Variants in KCNG3 observed in about 807,000 individuals in gnomAD.
KCNG3 encodes potassium voltage-gated channel modifier subfamily G member 3.
In KCNG3, 15 loss-of-function variants were observed where a neutral mutation model predicts 29.0. The ratio of observed to expected loss-of-function variants is 0.52; its 90% CI spans 0.35 to 0.80. The LOEUF (loss-of-function observed/expected upper bound fraction) is 0.80, where lower values mean the gene tolerates loss of function less well. Among genes scored for constraint, KCNG3 ranks in the 30% least tolerant of loss-of-function variants. The pLI, the probability that KCNG3 is intolerant of heterozygous loss-of-function variation, is 0.01. For missense variants in KCNG3, 512 were observed against 605.7 expected (o/e 0.85, Z 1.62); for synonymous variants, 322 against 248.9 (o/e 1.29, Z -2.76).
chr2:42,429,700 G>A, the KCNG3 span, among the ~76,000 whole-genome samples: 1 of 152,128 alleles, frequency 6.6e-6, no homozygotes, highest in Non-Finnish European at 1.5e-5. Context: ...TTCCCCCAGG[G>A]CAGGGAGCCT....
the KCNG3 span, among the ~76,000 whole-genome samples, chr2:42,406,874 G>A: frequency 2.0e-5 from 3 of 150,016 alleles, no homozygotes; most frequent in Non-Finnish European, 4.4e-5. Context: ...CAAATATAGT[G>A]TGATTTCTGG....
chr2:42,408,516 G>C, the KCNG3 span, among the ~76,000 whole-genome samples: 2 of 152,072 alleles, frequency 1.3e-5, no homozygotes. Context: ...CAGAGATTTT[G>C]GGACAACCTA....
rs1672554471 is a variant in KCNG3 at position 42,444,581 on chromosome 2, T to C, written c.666-2A>G. On this transcript the variant is annotated splice_acceptor_variant, in intron 1 of 1. Coordinates refer to ENST00000306078, the MANE Select transcript of KCNG3 (RefSeq NM_133329.6). LOFTEE classifies it high-confidence loss of function. The surrounding 1 kb of genome is among the most constrained non-coding windows in gnomAD (Gnocchi z 5.8). ...CCTATGCAGATAGCTTCAATTATCC[T>C]GTCAAGAGAACAAAAGAAGAATTGA... 1 of 1,589,360 alleles carries C rather than the reference T, an allele frequency of 6.3e-7. No homozygotes were observed. The highest frequency in any genetic ancestry group is 1.4e-5 in the African/African-American group (1 of 73,668).
intron 1 of KCNG3, among the ~76,000 whole-genome samples, chr2:42,448,076 G>C (rs1672647561): frequency 6.6e-6 from 1 of 152,192 alleles, no homozygotes. Flanking sequence ...GCCACTCTGA[G>C]AGATGAAAAG....
At chr2:42,489,943 C>G (rs1180989653) in intron 1 of KCNG3, among the ~76,000 whole-genome samples, 1 of 152,220 alleles carries the variant, frequency 6.6e-6, no homozygotes, top group African/African-American at 2.4e-5. Context: ...GGGAAGATCT[C>G]CAACTCATCT....
chr2:42,435,855 T>A, the KCNG3 span, among the ~76,000 whole-genome samples: 1 of 152,206 alleles, frequency 6.6e-6, no homozygotes, highest in African/African-American at 2.4e-5. Flanking sequence ...AAGTTAAACA[T>A]TAGCATCTAA....
At chr2:42,458,552 T>A (rs569358828) in intron 1 of KCNG3, among the ~76,000 whole-genome samples, 5 of 152,318 alleles carry the variant, frequency 3.3e-5, no homozygotes, top group African/African-American at 9.6e-5. Flanking sequence ...CCATCACATA[T>A]AAATCTCCAT....
chr2:42,400,030 G>T, the KCNG3 span, among the ~76,000 whole-genome samples: 4 of 152,168 alleles, frequency 2.6e-5, no homozygotes, highest in African/African-American at 7.2e-5. Flanking sequence ...GATCGCTTGA[G>T]CCTGGAAGGT....
chr2:42,421,161 T>C, the KCNG3 span, among the ~76,000 whole-genome samples: 1 of 152,212 alleles, frequency 6.6e-6, no homozygotes, highest in Admixed American at 6.5e-5. Context: ...AAAGGAAATA[T>C]GCCAAAATGT....
At chr2:42,425,644 C>G in the KCNG3 span, among the ~76,000 whole-genome samples, 2 of 152,082 alleles carry the variant, frequency 1.3e-5, no homozygotes, top group African/African-American at 2.4e-5. Flanking sequence ...TCAACATGTA[C>G]TACGTGCCTA....
chr2:42,464,463 AT>A (rs1351108338), intron 1 of KCNG3, among the ~76,000 whole-genome samples: 1 of 152,236 alleles, frequency 6.6e-6, no homozygotes, highest in Non-Finnish European at 1.5e-5. Context: ...GTCTATAGTC[AT>A]GAATACAAAA....
At chr2:42,483,240 G>A (rs1673636029) in intron 1 of KCNG3, among the ~76,000 whole-genome samples, 2 of 152,242 alleles carry the variant, frequency 1.3e-5, no homozygotes, top group Admixed American at 1.3e-4. Flanking sequence ...ATTACTAACT[G>A]CATATGATGA....
chr2:42,474,136 C>T (rs1212552824), intron 1 of KCNG3, among the ~76,000 whole-genome samples: 1 of 150,054 alleles, frequency 6.7e-6, no homozygotes, highest in Admixed American at 6.7e-5. Flanking sequence ...TATCTTCTGA[C>T]TCTTGGTGAT....
At chr2:42,403,401 C>T in the KCNG3 span, among the ~76,000 whole-genome samples, 1 of 152,042 alleles carries the variant, frequency 6.6e-6, no homozygotes, top group Non-Finnish European at 1.5e-5. Flanking sequence ...CCTTGGCCTC[C>T]CAAAGTTCTA....
At chr2:42,426,243 C>A in the KCNG3 span, among the ~76,000 whole-genome samples, 2 of 152,104 alleles carry the variant, frequency 1.3e-5, no homozygotes, top group Admixed American at 6.6e-5. Context: ...CTTTAATAAT[C>A]CCATATTAAA....
chr2:42,457,517 T>C (rs1672904489), intron 1 of KCNG3, among the ~76,000 whole-genome samples: 1 of 150,524 alleles, frequency 6.6e-6, no homozygotes, highest in South Asian at 2.1e-4. Flanking sequence ...AGTAACTAGA[T>C]CATGTCACAC....
At chr2:42,473,471 T>G (rs1204713609) in intron 1 of KCNG3, among the ~76,000 whole-genome samples, 1 of 152,056 alleles carries the variant, frequency 6.6e-6, no homozygotes, top group African/African-American at 2.4e-5. Context: ...TGCCTCAGCC[T>G]CCTGAGTAGC....
At chr2:42,449,933 CAGACACA>C (rs1297094792) in intron 1 of KCNG3, among the ~76,000 whole-genome samples, 1 of 152,144 alleles carries the variant, frequency 6.6e-6, no homozygotes, top group Non-Finnish European at 1.5e-5. Flanking sequence ...CTTATCTAGC[CAGACACA>C]AGCAAGGGCA....
At chr2:42,399,083 G>C in the KCNG3 span, among the ~76,000 whole-genome samples, 1 of 126,242 alleles carries the variant, frequency 7.9e-6, no homozygotes, top group East Asian at 2.4e-4. Context: ...TTGAGACAGG[G>C]TCTCACTCTG....
Sources: allele counts gnomAD v4.1 joint callset (sites outside exome capture counted in the v4.1 genomes callset), GRCh38; gene constraint gnomAD v4.1.1; non-coding constraint Gnocchi (gnomAD v3.1); transcripts MANE v1.5; gene names NCBI Gene and HGNC (gene_info 2026-07-23, HGNC 2026-07-21).